Variants in AVIL observed in about 807,000 individuals in gnomAD.
AVIL encodes advillin.
In AVIL, 78 loss-of-function variants were observed where a neutral mutation model predicts 109.9. The ratio of observed to expected loss-of-function variants is 0.71; its 90% CI spans 0.59 to 0.86. The LOEUF (loss-of-function observed/expected upper bound fraction) is 0.86. AVIL is among the 40% of genes least tolerant of loss of function. The pLI, the probability that AVIL is intolerant of heterozygous loss-of-function variation, is 0.00. For synonymous variants in AVIL, 367 were observed against 379.1 expected, an observed-to-expected ratio of 0.97 and a Z score of 0.37; for missense variants, 892 against 1,016.5, an observed-to-expected ratio of 0.88 and a Z score of 1.67.
chr12:57,818,182 C>CTGTTTTTT (rs1956119948), intron 1 of AVIL, among the ~76,000 whole-genome samples: 1 of 35,256 alleles, frequency 2.8e-5, no homozygotes, highest in African/African-American at 9.2e-5. Context: ...CCATGCTTGG[C>CTGTTTTTT]TTTTTTTTTT....
Position 57,817,375 on chromosome 12 carries a change from A to ACTT in AVIL, c.-20+1251_-20+1253dup, listed in dbSNP as rs963016119. Reference sequence around the variant, plus strand: ...GGAGAGCATGCGCCATCTAGTATGGACTTTGGCAAAAAACCATAAAGCTCA... The same window carrying ACTT: ...GGAGAGCATGCGCCATCTAGTATGGACTTCTTTGGCAAAAAACCATAAAGCTCA... On this transcript the variant is annotated intron_variant, in intron 1 of 19. Transcript: ENST00000549994. 4.7e-5 allele frequency among the ~76,000 whole-genome samples: 7 copies of ACTT among 150,312 alleles called. No individual in the cohort carries two copies. The East Asian group carries it at 1.4e-3, about 29-fold the overall frequency.
chr12:57,814,522 C>G, intron 2 of AVIL: 1 of 353,722 alleles, frequency 2.8e-6, no homozygotes. Context: ...TGTGGGAAAC[C>G]TGTGAACCAC....
chr12:57,811,493 G>GGA (rs1476455377), intron 4 of AVIL, among the ~76,000 whole-genome samples: 1 of 152,188 alleles, frequency 6.6e-6, no homozygotes, highest in East Asian at 1.9e-4. Flanking sequence ...TGTGTTACTG[G>GGA]GAGAGGGATA....
chr12:57,802,479 A>G (rs1955870524), intron 16 of AVIL, 131 bp from the exon 17 acceptor site: 1 of 1,112,022 alleles, frequency 9.0e-7, no homozygotes, highest in Non-Finnish European at 1.3e-6. Flanking sequence ...TTCTCAGCCT[A>G]ATTTGTTCAG....
At chr12:57,813,946 C>G (rs1201159933) in intron 3 of AVIL, among the ~76,000 whole-genome samples, 1 of 152,162 alleles carries the variant, frequency 6.6e-6, no homozygotes, top group Middle Eastern at 3.2e-3. Flanking sequence ...GAGGGTCCTA[C>G]CCCCATCCTC....
chr12:57,809,924 C>G, intron 7 of AVIL, 34 bp from the exon 8 acceptor site: 2 of 1,605,642 alleles, frequency 1.2e-6, no homozygotes, highest in East Asian at 2.2e-5. Context: ...TGTGCCTTTT[C>G]CTCTATAAAG....
rs758031101 is a variant in AVIL at position 57,808,550 on chromosome 12, T to G, written c.940-2A>C. Reference sequence around the variant, plus strand: ...GTAGCTCTTCATCTTGATGAAGCCCTGCAGAGCCACCCATTCCCAAAGGCA... The same window carrying G: ...GTAGCTCTTCATCTTGATGAAGCCCGGCAGAGCCACCCATTCCCAAAGGCA... On this transcript the variant is annotated splice_acceptor_variant, in intron 9 of 19. Coordinates refer to ENST00000549994, the MANE Select transcript of AVIL (RefSeq NM_006576.4). LOFTEE classifies it high-confidence loss of function. 20 of 1,613,628 alleles carry G rather than the reference T, an allele frequency of 1.2e-5. No homozygotes were observed. In the South Asian group the frequency reaches 2.1e-4, roughly 17 times the overall value.
intron 10 of AVIL, 24 bp downstream of exon 10, chr12:57,808,371 A>G (rs1373089378): frequency 6.2e-7 from 1 of 1,614,190 alleles, no homozygotes; most frequent in South Asian, 1.1e-5. Flanking sequence ...TAGCAATGAG[A>G]GGATGATCTG....
At chr12:57,800,064 C>G (rs1385388527) in intron 18 of AVIL, 144 bp from the exon 19 acceptor site, 1 of 1,110,454 alleles carries the variant, frequency 9.0e-7, no homozygotes, top group Non-Finnish European at 1.3e-6. Flanking sequence ...CTCCCCAAAC[C>G]TGGCTGCATG....
chr12:57,815,766 G>T, intron 2 of AVIL: 1 of 1,452,504 alleles, frequency 6.9e-7, no homozygotes, highest in Non-Finnish European at 9.1e-7. Flanking sequence ...CCTGTTCTTC[G>T]GGGCTGAACA....
chr12:57,811,151 T>C (rs1251634432), intron 4 of AVIL, 24 bp from the exon 5 acceptor site: 1 of 1,608,556 alleles, frequency 6.2e-7, no homozygotes, highest in Non-Finnish European at 8.5e-7. Flanking sequence ...CATTCAGTTA[T>C]TTGAGTGCCT....
chr12:57,809,487 G>T, intron 9 of AVIL, 110 bp downstream of exon 9: 1 of 1,284,786 alleles, frequency 7.8e-7, no homozygotes, highest in Non-Finnish European at 1.1e-6. Flanking sequence ...GTCCATGTAC[G>T]TAAGCACAAT....
chr12:57,801,156 C>T lies in AVIL; in HGVS notation c.2208G>A (p.Met736Ile), dbSNP rs1268375438. The change falls in exon 18 of 20, where the codon ATG (methionine) becomes ATA (isoleucine). Residue 736 changes from methionine to isoleucine, a missense_variant. Physicochemically the swap from Met to Ile is conservative, Grantham distance 10 (BLOSUM62 1). Coordinates refer to ENST00000549994, the MANE Select transcript of AVIL (RefSeq NM_006576.4). Reference protein sequence around the residue: ...KEELGDAAAIMRITADMKNAT... With the variant: ...KEELGDAAAIIRITADMKNAT... Reference sequence around the variant, plus strand: ...GAACCCGACTCACAGCAGTGATTCGCATGATAGCAGCAGCATCTCCCAGCT... The same window carrying T: ...GAACCCGACTCACAGCAGTGATTCGTATGATAGCAGCAGCATCTCCCAGCT... 2 of 1,613,658 alleles carry T rather than the reference C, an allele frequency of 1.2e-6. No individual in the cohort carries two copies. The highest frequency in any genetic ancestry group is 1.7e-5 in the Admixed American group (1 of 60,000).
At chr12:57,816,699 CCTTTT>C (rs1185203132) in intron 1 of AVIL, among the ~76,000 whole-genome samples, 4 of 107,034 alleles carry the variant, frequency 3.7e-5, no homozygotes, top group Non-Finnish European at 7.5e-5. Context: ...TGGCTTTTGT[CCTTTT>C]TTTTTTTTTT....
chr12:57,802,642 C>T (rs764456179), intron 16 of AVIL: 46 of 673,780 alleles, frequency 6.8e-5, no homozygotes, highest in African/African-American at 5.0e-4. Context: ...CTGCTCTAAG[C>T]ACCTTAAAAA....
At chr12:57,809,327 C>A (rs1225889891) in intron 9 of AVIL, 3 of 500,314 alleles carry the variant, frequency 6.0e-6, no homozygotes, top group African/African-American at 5.8e-5. Context: ...GATATTTAAT[C>A]CTCACAATAA....
intron 2 of AVIL, among the ~76,000 whole-genome samples, chr12:57,815,092 A>T (rs1296629360): frequency 1.3e-5 from 2 of 152,104 alleles, no homozygotes; most frequent in African/African-American, 2.4e-5. Flanking sequence ...AGCTGGGACT[A>T]TAGGCGCCTG....
In AVIL at chr12:57,814,132, G is replaced by T. The variant is rs1956072147; in HGVS notation, c.141+20C>A. 1 of 1,611,860 alleles carries T rather than the reference G, an allele frequency of 6.2e-7. No individual in the cohort carries two copies. Among genetic ancestry groups the T allele is most frequent in the Admixed American group, 1.7e-5 (1 of 59,858 alleles). On this transcript the variant is annotated intron_variant, in intron 3 of 19. Transcript: ENST00000549994. ...GGCCCCAGGGGAGAGGCTCACAGGA[G>T]TGGGGAGGAGGGTGCTCACCGAGAG...
intron 11 of AVIL, chr12:57,807,985 C>A: frequency 1.3e-6 from 1 of 788,980 alleles, no homozygotes; most frequent in East Asian, 2.6e-5. Flanking sequence ...ATATATCTTC[C>A]AGGTGAGATA....
Sources: allele counts gnomAD v4.1 joint callset (sites outside exome capture counted in the v4.1 genomes callset), GRCh38; gene constraint gnomAD v4.1.1; transcripts MANE v1.5; gene names NCBI Gene and HGNC (gene_info 2026-07-23, HGNC 2026-07-21).